The following TMEM131 variants were observed in gnomAD, a reference collection of about 807,000 sequenced individuals.
The protein encoded by TMEM131 is 2610524E03Rik.
In TMEM131, 66 loss-of-function variants were observed where a neutral mutation model predicts 211.6. The ratio of observed to expected loss-of-function variants is 0.31; its 90% CI spans 0.26 to 0.38. TMEM131 has a LOEUF of 0.38. Ranked by LOEUF, TMEM131 falls within the 10% of genes least tolerant of loss-of-function variation. TMEM131 has a pLI of 1.00. For synonymous variants in TMEM131, 844 were observed against 841.3 expected (o/e 1.00, Z -0.06); for missense variants, 2,036 against 2,299.3 (o/e 0.89, Z 2.34).
chr2:97,973,768 A>G (rs983038424), intron 1 of TMEM131, among the ~76,000 whole-genome samples: 1 of 152,248 alleles, frequency 6.6e-6, no homozygotes, highest in African/African-American at 2.4e-5. Flanking sequence ...TACTGGACAG[A>G]GTGCTCAGGA....
intron 2 of TMEM131, among the ~76,000 whole-genome samples, chr2:97,911,264 A>G (rs1382074268): frequency 1.3e-5 from 2 of 152,240 alleles, no homozygotes; most frequent in African/African-American, 4.8e-5. Context: ...ACAGTGACAG[A>G]AAGCAGACTG....
At chr2:97,906,618 C>A (rs946237741) in intron 3 of TMEM131, among the ~76,000 whole-genome samples, 1 of 152,164 alleles carries the variant, frequency 6.6e-6, no homozygotes, top group Non-Finnish European at 1.5e-5. Flanking sequence ...TAGGAGGAAG[C>A]CCAAACTAGC....
intron 1 of TMEM131, among the ~76,000 whole-genome samples, chr2:97,944,350 T>C (rs1308896738): frequency 1.3e-5 from 2 of 152,092 alleles, no homozygotes; most frequent in East Asian, 3.8e-4. Flanking sequence ...AAGACCTCAG[T>C]GTAAGAGATA....
intron 31 of TMEM131, among the ~76,000 whole-genome samples, chr2:97,783,800 AAGAC>A (rs1680124413): frequency 6.6e-6 from 1 of 152,126 alleles, no homozygotes; most frequent in South Asian, 2.1e-4. Flanking sequence ...TGTAATTAAA[AAGAC>A]AGAGATTGGC....
At chr2:97,766,070 TG>T in intron 35 of TMEM131, 43 bp downstream of exon 35, 1 of 1,607,378 alleles carries the variant, frequency 6.2e-7, no homozygotes, top group Non-Finnish European at 8.5e-7. Flanking sequence ...TGGGGTGGAT[TG>T]TGGGTAAGTG....
chr2:97,937,165 T>C (rs535011007), intron 1 of TMEM131, among the ~76,000 whole-genome samples: 6 of 152,038 alleles, frequency 3.9e-5, no homozygotes, highest in Admixed American at 3.9e-4. Context: ...GGAAACCACG[T>C]GCAAAACTAA....
At chr2:97,891,797 T>C (rs1281461612) in intron 3 of TMEM131, among the ~76,000 whole-genome samples, 1 of 152,162 alleles carries the variant, frequency 6.6e-6, no homozygotes, top group African/African-American at 2.4e-5. Context: ...ACACCTACAA[T>C]GTTTGTGGAA....
chr2:97,830,146 A>AC (rs1682598492), intron 11 of TMEM131, among the ~76,000 whole-genome samples: 1 of 150,482 alleles, frequency 6.6e-6, no homozygotes, highest in African/African-American at 2.4e-5. Context: ...AAAAAAAAAA[A>AC]AAAAAAAAAA....
At chr2:97,784,293 A>G (rs185600661) in intron 31 of TMEM131, among the ~76,000 whole-genome samples, 2 of 152,286 alleles carry the variant, frequency 1.3e-5, no homozygotes, top group African/African-American at 4.8e-5. Flanking sequence ...CCCATGGGTC[A>G]TAAGCCAAGA....
rs1436392104 is a variant in TMEM131 at position 97,818,709 on chromosome 2, T to C, written c.1087A>G (p.Thr363Ala). The stretch of plus-strand genomic sequence containing the variant: ...ACCGTTATAGCATCATTTTGTGGTG[T>C]AGGTCGAACACTCTGCAAAGAGAAC... ...KDVPITSVRP[T>A]PQNDAITVHF... The change falls in exon 12 of 41, where the codon ACA becomes GCA. Residue 363 changes from threonine to alanine, a missense_variant. Transcript: ENST00000186436. 1.2e-6 allele frequency: 2 copies of C among 1,601,888 alleles called. No homozygotes were observed. The highest frequency in any genetic ancestry group is 2.2e-5 in the East Asian group (1 of 44,748).
Position 97,908,678 on chromosome 2 carries a change from G to C in TMEM131, c.270C>G (p.Leu90=). 1 of 1,605,100 alleles carries C rather than the reference G, an allele frequency of 6.2e-7. No individual in the cohort carries two copies. Among genetic ancestry groups the C allele is most frequent in the South Asian group, 1.1e-5 (1 of 89,970 alleles). The change falls in exon 3 of 41, where the codon CTC becomes CTG. Residue 90 remains leucine, a synonymous_variant. Coordinates refer to ENST00000186436, the MANE Select transcript of TMEM131 (RefSeq NM_015348.2). ...GLLQTETTLG[L]SSYQQKSISL... is the part of the protein sequence containing the mutation. ...CTTACCTTTTCTGCTGATATGAACT[G>C]AGTCCAAGTGTTGTCTCGGTCTGTA...
At chr2:97,902,851 C>G (rs1331633236) in intron 3 of TMEM131, among the ~76,000 whole-genome samples, 1 of 152,124 alleles carries the variant, frequency 6.6e-6, no homozygotes, top group Non-Finnish European at 1.5e-5. Flanking sequence ...GCCTAGCCTC[C>G]AAGCCTACAT....
chr2:97,885,368 G>C (rs1675108539), intron 4 of TMEM131, among the ~76,000 whole-genome samples: 1 of 150,754 alleles, frequency 6.6e-6, no homozygotes, highest in Non-Finnish European at 1.5e-5. Context: ...ATTTTTTTTT[G>C]TATTTTTAGT....
At chr2:97,949,298 T>C (rs11900781) in intron 1 of TMEM131, among the ~76,000 whole-genome samples, 3,750 of 152,228 alleles carry the variant, frequency 0.025, 165 homozygotes, top group African/African-American at 0.087. Flanking sequence ...TACAAAGTTG[T>C]ATAATATGCA....
rs1681093275 is a variant in TMEM131, at chr2:97,802,726, C to T, written c.2467G>A (p.Glu823Lys). The T allele has an allele frequency of 1.3e-6, 2 of 1,587,502 alleles. No homozygotes were observed. Among genetic ancestry groups the T allele is most frequent in the Non-Finnish European group, 1.7e-6 (2 of 1,171,596 alleles). ...CTAAGTATGGAAGGCCAGGAGAGCT[C>T]AGCAGTGATTTTTGATATTATATTT... is the stretch of plus-strand genomic sequence containing the variant. ...QKNIISKITA[E>K]LSWPSILSSP... Residue 823 changes from glutamate (E) to lysine (K), a missense_variant, in exon 23 of 41, where the codon GAG becomes AAG. Physicochemically the swap from Glu to Lys is moderately conservative, Grantham distance 56. Around this residue, in one of 3 missense-constraint regions of TMEM131, gnomAD observed 1,623 missense variants for 1,805.9 expected, o/e 0.90. Coordinates refer to ENST00000186436, the MANE Select transcript of TMEM131 (RefSeq NM_015348.2).
intron 10 of TMEM131, among the ~76,000 whole-genome samples, chr2:97,834,065 A>G (rs1172201239): frequency 6.6e-6 from 1 of 152,226 alleles, no homozygotes; most frequent in African/African-American, 2.4e-5. Context: ...AAAATATACT[A>G]ACAGCAAATC....
At chr2:97,912,973 ATCCCTGTAACTCAGTGG>A in intron 2 of TMEM131, 1 of 152,350 alleles carries the variant, frequency 6.6e-6, no homozygotes, top group East Asian at 1.9e-4. Context: ...TGATAATTTT[ATCCCTGTAACTCAGTGG>A]TTCTCAACCG....
At chr2:97,893,034 C>T (rs556791095) in intron 3 of TMEM131, among the ~76,000 whole-genome samples, 2 of 152,254 alleles carry the variant, frequency 1.3e-5, no homozygotes, top group African/African-American at 4.8e-5. Flanking sequence ...TCTCCTAATG[C>T]TATCCCTCCC....
chr2:97,802,035 G>A (rs2104925193), intron 24 of TMEM131, 74 bp from the exon 25 acceptor site: 3 of 1,000,916 alleles, frequency 3.0e-6, no homozygotes, highest in Admixed American at 4.7e-5. Context: ...TGATTATCAG[G>A]TGTGTGCTTT....
Sources: gnomAD v4.1 joint callset for allele counts (sites outside exome capture counted in the v4.1 genomes callset) on GRCh38, gnomAD v4.1.1 for gene constraint, gnomAD v4.1.1 regional missense constraint, MANE v1.5 for transcripts, NCBI Gene and HGNC (gene_info 2026-07-23, HGNC 2026-07-21) for gene names.